The following CNTNAP2 variants were observed in gnomAD, a reference collection of about 807,000 sequenced individuals.
CNTNAP2 encodes contactin-associated protein-like 2.
A neutral mutation model predicts 155.2 loss-of-function variants in CNTNAP2; 98 were observed. That is an observed-to-expected ratio of 0.63 (90% CI 0.54 to 0.75). The LOEUF (loss-of-function observed/expected upper bound fraction) is 0.75, where lower values mean the gene tolerates loss of function less well. CNTNAP2 is among the 30% of genes least tolerant of loss of function. The pLI, the probability that CNTNAP2 is intolerant of heterozygous loss-of-function variation, is 0.00. For synonymous variants in CNTNAP2, 651 were observed against 631.2 expected (o/e 1.03, Z -0.47); for missense variants, 1,727 against 1,688.1 (o/e 1.02, Z -0.40).
intron 3 of CNTNAP2, among the ~76,000 whole-genome samples, chr7:146,950,960 T>C (rs975953825): frequency 2.6e-4 from 40 of 152,196 alleles, no homozygotes; most frequent in Non-Finnish European, 8.8e-5. Flanking sequence ...CATCTGTTGT[T>C]TCCTGACTTT....
chr7:148,149,104 C>A (rs1360238005), intron 17 of CNTNAP2, among the ~76,000 whole-genome samples: 1 of 152,160 alleles, frequency 6.6e-6, no homozygotes, highest in Admixed American at 6.5e-5. Context: ...TGGGTAGATT[C>A]TATCTGGTTT....
chr7:147,174,812 C>T (rs1309405798), intron 8 of CNTNAP2, among the ~76,000 whole-genome samples: 3 of 152,160 alleles, frequency 2.0e-5, no homozygotes, highest in East Asian at 1.9e-4. Flanking sequence ...AATAGGCAAA[C>T]ACTATATATG....
rs78494466 is a variant in CNTNAP2, at chr7:148,132,492, C to T, written c.2554+14204C>T. 7.7e-3 allele frequency among the ~76,000 whole-genome samples: 1,166 copies of T among 151,406 alleles called. 14 individuals are homozygous for T. Among genetic ancestry groups the T allele is most frequent in the African/African-American group, 0.027 (1,105 of 41,222 alleles). On this transcript the variant is annotated intron_variant, in intron 16 of 23. Coordinates refer to ENST00000361727, the MANE Select transcript of CNTNAP2 (RefSeq NM_014141.6). The stretch of plus-strand genomic sequence containing the variant: ...CTGAAATGTATTTTAATGTAGACAC[C>T]GCATTGTATATAGCACTCACATTCC...
At chr7:147,323,959 T>C (rs1795402624) in intron 9 of CNTNAP2, among the ~76,000 whole-genome samples, 2 of 152,102 alleles carry the variant, frequency 1.3e-5, no homozygotes, top group African/African-American at 4.8e-5. Context: ...ATGTGGATGG[T>C]TATCTAAGAG....
rs1426028349 is a variant in CNTNAP2 at position 147,160,569 on chromosome 7, C to A, written c.1348+28060C>A. Among the ~76,000 whole-genome samples, 3 of 151,908 alleles carry A rather than the reference C, an allele frequency of 2.0e-5. No homozygotes were observed. In the East Asian group the frequency reaches 5.8e-4, roughly 29 times the overall value. On this transcript the variant is annotated intron_variant, in intron 8 of 23. Coordinates refer to ENST00000361727, the MANE Select transcript of CNTNAP2 (RefSeq NM_014141.6). ...TAGCAGCTTTATTGCATACAATATG[C>A]CCATTATAGGAAATTTAGATATTTC...
At chr7:147,341,261 G>T (rs1208752293) in intron 9 of CNTNAP2, among the ~76,000 whole-genome samples, 2 of 151,942 alleles carry the variant, frequency 1.3e-5, no homozygotes, top group Non-Finnish European at 1.5e-5. Flanking sequence ...ACACAGGGAG[G>T]AGAACATCAC....
At chr7:147,044,202 A>G (rs1799313375) in intron 4 of CNTNAP2, 148 bp downstream of exon 4, 4 of 750,544 alleles carry the variant, frequency 5.3e-6, no homozygotes, top group Non-Finnish European at 8.4e-6. Flanking sequence ...GCATAGATAC[A>G]TATATATATA....
intron 9 of CNTNAP2, among the ~76,000 whole-genome samples, chr7:147,325,158 G>A (rs891143770): frequency 6.6e-6 from 1 of 152,018 alleles, no homozygotes; most frequent in Non-Finnish European, 1.5e-5. Context: ...AAATTAGCTG[G>A]GCATGGTGGC....
intron 3 of CNTNAP2, among the ~76,000 whole-genome samples, chr7:146,919,129 T>G (rs1251049876): frequency 6.6e-6 from 1 of 152,208 alleles, no homozygotes; most frequent in Non-Finnish European, 1.5e-5. Flanking sequence ...ATTTCACCTT[T>G]CTTTGGTGTC....
intron 13 of CNTNAP2, among the ~76,000 whole-genome samples, chr7:147,789,149 T>A (rs749525842): frequency 6.6e-6 from 1 of 151,840 alleles, no homozygotes; most frequent in African/African-American, 2.4e-5. Context: ...TCAAGTGATC[T>A]GCCCGCCTCG....
At chr7:146,745,177 C>T (rs1344892739) in intron 1 of CNTNAP2, among the ~76,000 whole-genome samples, 1 of 151,962 alleles carries the variant, frequency 6.6e-6, no homozygotes, top group Admixed American at 6.6e-5. Context: ...AATTTTACAC[C>T]CAATAACATT....
At chr7:147,135,772 G>T (rs1281307954) in intron 8 of CNTNAP2, among the ~76,000 whole-genome samples, 2 of 143,688 alleles carry the variant, frequency 1.4e-5, no homozygotes, top group East Asian at 2.0e-4. Flanking sequence ...CTTTTCTTTT[G>T]CTTTATTCTT....
chr7:148,143,504 C>A (rs1563213558), intron 16 of CNTNAP2, among the ~76,000 whole-genome samples: 1 of 152,044 alleles, frequency 6.6e-6, no homozygotes, highest in Non-Finnish European at 1.5e-5. Context: ...CATGGCAAAA[C>A]CCCATCTCTA....
chr7:147,303,520 AT>A (rs1395842816), intron 9 of CNTNAP2, among the ~76,000 whole-genome samples: 2 of 152,312 alleles, frequency 1.3e-5, no homozygotes, highest in East Asian at 3.9e-4. Flanking sequence ...TGTGCTGAAA[AT>A]TTTAAAGTAG....
At chr7:146,346,691 A>G (rs968173421) in intron 1 of CNTNAP2, among the ~76,000 whole-genome samples, 2 of 152,068 alleles carry the variant, frequency 1.3e-5, no homozygotes, top group Non-Finnish European at 2.9e-5. Context: ...TGGGTGACAG[A>G]GCAAGACTCG....
At chr7:146,707,316 G>A (rs1275673521) in intron 1 of CNTNAP2, among the ~76,000 whole-genome samples, 3 of 152,122 alleles carry the variant, frequency 2.0e-5, no homozygotes, top group African/African-American at 4.8e-5. Context: ...CTTCATTTGT[G>A]ATGGGCATGG....
At chr7:147,262,248 G>T (rs1237783459) in intron 8 of CNTNAP2, among the ~76,000 whole-genome samples, 5 of 152,220 alleles carry the variant, frequency 3.3e-5, no homozygotes, top group African/African-American at 1.2e-4. Flanking sequence ...TTACTTGAAT[G>T]CGGAAAGACA....
intron 11 of CNTNAP2, among the ~76,000 whole-genome samples, chr7:147,529,103 C>T (rs1301825735): frequency 6.6e-6 from 1 of 152,218 alleles, no homozygotes; most frequent in Non-Finnish European, 1.5e-5. Flanking sequence ...TCAGCACCAT[C>T]TATCTACATT....
intron 8 of CNTNAP2, among the ~76,000 whole-genome samples, chr7:147,216,359 A>G (rs1803269157): frequency 6.6e-6 from 1 of 151,974 alleles, no homozygotes; most frequent in Admixed American, 6.6e-5. Flanking sequence ...AATTTTTGTG[A>G]AGGATATAAG....
Sources: gnomAD v4.1 joint callset for allele counts (sites outside exome capture counted in the v4.1 genomes callset) on GRCh38, gnomAD v4.1.1 for gene constraint, MANE v1.5 for transcripts, NCBI Gene and HGNC (gene_info 2026-07-23, HGNC 2026-07-21) for gene names.